WARS2: variants seen among roughly 807,000 people sequenced by gnomAD.
WARS2 encodes the protein tryptophanyl tRNA synthetase 2, mitochondrial, also known as tryptophan--tRNA ligase, mitochondrial.
WARS2 carries 28 observed loss-of-function variants against 36.5 expected under a neutral mutation model. The ratio of observed to expected loss-of-function variants is 0.77; its 90% CI spans 0.57 to 1.05. The LOEUF (loss-of-function observed/expected upper bound fraction) is 1.05. WARS2 is among the 50% of genes least tolerant of loss of function. The probability of loss-of-function intolerance (pLI) is 0.00; values close to 1 mark genes in which losing one functional copy is unlikely to be tolerated. For synonymous variants in WARS2, 174 were observed against 178.4 expected, an observed-to-expected ratio of 0.98 and a Z score of 0.20; for missense variants, 435 against 456.8, an observed-to-expected ratio of 0.95 and a Z score of 0.44.
At chr1:119,053,481 T>C (rs1036756204) in intron 2 of WARS2, among the ~76,000 whole-genome samples, 2 of 152,186 alleles carry the variant, frequency 1.3e-5, no homozygotes, top group African/African-American at 4.8e-5. Context: ...AATAAGAGAA[T>C]TGACCTGTAG....
chr1:119,047,983 T>C (rs934391597), intron 2 of WARS2, among the ~76,000 whole-genome samples: 16 of 152,346 alleles, frequency 1.1e-4, no homozygotes, highest in East Asian at 9.7e-4. Context: ...ACTTGGTACA[T>C]TGCATGTCCT....
At position 119,079,308 on chromosome 1, in the gene WARS2, G is replaced by A. The variant is rs116608140; in HGVS notation, c.91-2701C>T. Among the ~76,000 whole-genome samples the A allele has an allele frequency of 2.4e-3, 361 of 152,230 alleles. 3 individuals are homozygous for A. Among genetic ancestry groups the A allele is most frequent in the African/African-American group, 8.5e-3 (352 of 41,536 alleles). On this transcript the variant is annotated intron_variant, in intron 1 of 5. Transcript: ENST00000235521. The stretch of plus-strand genomic sequence containing the variant: ...AATATGTCTTGGAACCTGCTAAAGT[G>A]AGGCTTTCAACCTTCTTTTTCTTCA...
chr1:119,109,999 C>T (rs1232250899), intron 1 of WARS2, among the ~76,000 whole-genome samples: 3 of 152,026 alleles, frequency 2.0e-5, no homozygotes, highest in African/African-American at 7.2e-5. Context: ...ACAGGGGGTA[C>T]AAATACCTAG....
chr1:119,084,044 CAG>C (rs1483781308), intron 1 of WARS2, among the ~76,000 whole-genome samples: 3 of 147,996 alleles, frequency 2.0e-5, no homozygotes, highest in Non-Finnish European at 4.5e-5. Flanking sequence ...TTTTTTGAGA[CAG>C]AGTGTCTCTC....
intron 1 of WARS2, among the ~76,000 whole-genome samples, chr1:119,078,436 G>C (rs1221961601): frequency 1.3e-5 from 2 of 152,038 alleles, no homozygotes. Flanking sequence ...CTATTCCTAA[G>C]TATGTAACAT....
intron 2 of WARS2, among the ~76,000 whole-genome samples, chr1:119,070,273 C>CT (rs1651189183): frequency 1.3e-5 from 2 of 151,808 alleles, no homozygotes; most frequent in Non-Finnish European, 2.9e-5. Context: ...TTGTGTTTTT[C>CT]TTTTTTGAGA....
chr1:119,077,456 T>C (rs1651834427), intron 1 of WARS2, among the ~76,000 whole-genome samples: 2 of 152,328 alleles, frequency 1.3e-5, no homozygotes, highest in South Asian at 4.2e-4. Context: ...AGGCTACTAC[T>C]ATTGCCTTAA....
At chr1:119,138,372 A>T (rs1656661783) in intron 1 of WARS2, among the ~76,000 whole-genome samples, 1 of 152,182 alleles carries the variant, frequency 6.6e-6, no homozygotes, top group African/African-American at 2.4e-5. Flanking sequence ...TCTTCCTCAG[A>T]ATCCTAAAAT....
At chr1:119,039,438 AAGAG>A (rs1226223681) in intron 4 of WARS2, among the ~76,000 whole-genome samples, 1 of 151,816 alleles carries the variant, frequency 6.6e-6, no homozygotes, top group Non-Finnish European at 1.5e-5. Flanking sequence ...GAGAGAGAAA[AAGAG>A]AGAGAGAGAG....
intron 1 of WARS2, among the ~76,000 whole-genome samples, chr1:119,119,649 A>G (rs1401150335): frequency 6.6e-6 from 1 of 152,188 alleles, no homozygotes; most frequent in Non-Finnish European, 1.5e-5. Flanking sequence ...AAGATAGACC[A>G]TATGATAGAC....
chr1:119,083,632 T>C lies in WARS2; in HGVS notation c.91-7025A>G, dbSNP rs186835507. On this transcript the variant is annotated intron_variant, in intron 1 of 5. Transcript: ENST00000235521. ...CCCAGCAGGAAGAAATGATAAAATA[T>C]AGAGTCATGACACTTTGGCTCCCAG... Among the ~76,000 whole-genome samples, 360 of 152,258 alleles carry C rather than the reference T, an allele frequency of 2.4e-3. 5 individuals carry two copies. The highest frequency in any genetic ancestry group is 3.4e-3 in the Non-Finnish European group (230 of 68,012).
At chr1:119,085,429 G>T (rs1230448785) in intron 1 of WARS2, 104 of 1,487,440 alleles carry the variant, frequency 7.0e-5, no homozygotes, top group Non-Finnish European at 9.0e-5. Flanking sequence ...TGCTCTGCCT[G>T]TACCTCCCAG....
chr1:119,102,495 A>T (rs962829333), intron 1 of WARS2, among the ~76,000 whole-genome samples: 8 of 152,184 alleles, frequency 5.3e-5, no homozygotes, highest in African/African-American at 1.7e-4. Flanking sequence ...CAGTGCTACT[A>T]ATTCTATCCT....
Position 119,076,581 on chromosome 1 carries a change from G to C in WARS2, c.117C>G (p.Ser39=). 6.2e-7 allele frequency: 1 copy of C among 1,614,082 alleles called. No homozygotes were observed. Among genetic ancestry groups the C allele is most frequent in the Non-Finnish European group, 8.5e-7 (1 of 1,180,004 alleles). ...GGAGGATTCCTGTAGGTTGAATGCC[G>C]GAAAATACTCGCTTCTTGCTGTCTT... ...LQKDSKKRVF[S]GIQPTGILHL... is the part of the protein sequence containing the mutation. The change falls in exon 2 of 6, where the codon TCC becomes TCG. Residue 39 remains serine, a synonymous_variant. Coordinates refer to ENST00000235521, the MANE Select transcript of WARS2 (RefSeq NM_015836.4).
At chr1:119,103,836 GATC>G (rs1192056620) in intron 1 of WARS2, among the ~76,000 whole-genome samples, 2 of 151,010 alleles carry the variant, frequency 1.3e-5, no homozygotes, top group Admixed American at 6.6e-5. Flanking sequence ...ACAACATTGG[GATC>G]ATATGTTACT....
chr1:119,037,855 C>T (rs1229854297), intron 4 of WARS2, among the ~76,000 whole-genome samples: 1 of 152,196 alleles, frequency 6.6e-6, no homozygotes, highest in East Asian at 1.9e-4. Flanking sequence ...TTATATTTGT[C>T]TACTTTTCTG....
At chr1:119,066,244 A>G (rs547188759) in intron 2 of WARS2, among the ~76,000 whole-genome samples, 45 of 152,234 alleles carry the variant, frequency 3.0e-4, no homozygotes, top group Middle Eastern at 3.4e-3. Context: ...TTGGGAGGCT[A>G]AGGTGGGCGG....
intron 5 of WARS2, 75 bp downstream of exon 5, chr1:119,034,020 G>A (rs572010271): frequency 7.4e-7 from 1 of 1,346,744 alleles, no homozygotes; most frequent in Admixed American, 1.7e-5. Flanking sequence ...TCCCAAGAAA[G>A]TTCCAAGCCT....
intron 1 of WARS2, among the ~76,000 whole-genome samples, chr1:119,104,027 C>A (rs1209257600): frequency 1.3e-5 from 2 of 150,838 alleles, no homozygotes; most frequent in African/African-American, 2.4e-5. Flanking sequence ...CTATATTGCT[C>A]AGGCTGGTCT....
Sources: gnomAD v4.1 joint callset for allele counts (sites outside exome capture counted in the v4.1 genomes callset) on GRCh38, gnomAD v4.1.1 for gene constraint, MANE v1.5 for transcripts, NCBI Gene and HGNC (gene_info 2026-07-23, HGNC 2026-07-21) for gene names.